CHRM3: variants seen among roughly 807,000 people sequenced by gnomAD.
The protein encoded by CHRM3 is cholinergic receptor muscarinic 3, also known as muscarinic acetylcholine receptor M3.
CHRM3 carries 11 observed loss-of-function variants against 41.8 expected under a neutral mutation model. That is an observed-to-expected ratio of 0.26 (90% confidence interval 0.17 to 0.44). CHRM3 has a LOEUF of 0.44. Ranked by LOEUF, CHRM3 falls within the 20% of genes least tolerant of loss-of-function variation. CHRM3 has a pLI of 1.00. For missense variants in CHRM3, 571 were observed against 745.4 expected (o/e 0.77, Z 2.72); for synonymous variants, 297 against 301.4 (o/e 0.99, Z 0.15).
chr1:239,568,041 A>C (rs1661510132), intron 3 of CHRM3, among the ~76,000 whole-genome samples: 1 of 151,914 alleles, frequency 6.6e-6, no homozygotes, highest in Admixed American at 6.6e-5. Context: ...GCCTGTTTCC[A>C]CCTCACAGCA....
chr1:239,400,032 C>T (rs1659833848), intron 1 of CHRM3, among the ~76,000 whole-genome samples: 1 of 152,152 alleles, frequency 6.6e-6, no homozygotes, highest in Admixed American at 6.5e-5. Flanking sequence ...CTGCCTCAGC[C>T]TCCCAAGTAG....
At chr1:239,753,431 A>C (rs537081969) in intron 5 of CHRM3, among the ~76,000 whole-genome samples, 1 of 152,334 alleles carries the variant, frequency 6.6e-6, no homozygotes, top group East Asian at 1.9e-4. Flanking sequence ...CAATCATGGC[A>C]GAAGGTGAAG....
At position 239,907,437 on chromosome 1, in the gene CHRM3, T is replaced by C. The variant is rs748915731; in HGVS notation, c.-15T>C. The stretch of plus-strand genomic sequence containing the variant: ...TCTCTTCTCTCTTTCCCCCAGACTA[T>C]GTCAGAGAGTCACAATGACCTTGCA... On this transcript the variant is annotated 5_prime_UTR_variant, in exon 7 of 7. An upstream start codon of the reference 5' UTR is lost. Coordinates refer to ENST00000676153, the MANE Select transcript of CHRM3 (RefSeq NM_001375978.1). The surrounding 1 kb of genome is among the most constrained non-coding windows in gnomAD (Gnocchi z 5.4). The C allele has an allele frequency of 3.1e-6, 5 of 1,602,918 alleles. No homozygotes were observed. Among genetic ancestry groups the C allele is most frequent in the East Asian group, 4.5e-5 (2 of 44,704 alleles).
chr1:239,729,037 A>C (rs965791168), intron 5 of CHRM3, among the ~76,000 whole-genome samples: 2 of 151,938 alleles, frequency 1.3e-5, no homozygotes, highest in African/African-American at 4.8e-5. Context: ...ACTAATACTC[A>C]TAAGAACTCA....
At chr1:239,881,915 T>C (rs749578847) in intron 6 of CHRM3, among the ~76,000 whole-genome samples, 1 of 150,342 alleles carries the variant, frequency 6.7e-6, no homozygotes, top group Non-Finnish European at 1.5e-5. Context: ...TTCTTTTTTG[T>C]TTTTTTTGAG....
intron 6 of CHRM3, among the ~76,000 whole-genome samples, chr1:239,901,319 C>T (rs992413206): frequency 6.6e-5 from 10 of 151,780 alleles, no homozygotes; most frequent in Admixed American, 5.3e-4. Flanking sequence ...CTTCTGGCTT[C>T]GGAAACTTTG....
rs770343934 is a variant in CHRM3, at chr1:239,908,621, G to T, written c.1170G>T (p.Gln390His). The T allele has an allele frequency of 1.2e-6, 2 of 1,609,648 alleles. No individual in the cohort carries two copies. The highest frequency in any genetic ancestry group is 1.1e-5 in the South Asian group (1 of 89,996). The part of the protein sequence containing the change: ...STKLPSSDNL[Q>H]VPEEELGMVD... ...AGTTACCCTCATCGGACAACCTGCAGGTGCCTGAGGAGGAGCTGGGGATGG... is the reference window on the plus strand; with the variant it reads ...AGTTACCCTCATCGGACAACCTGCATGTGCCTGAGGAGGAGCTGGGGATGG... The change falls in exon 7 of 7, where the codon CAG becomes CAT. Residue 390 changes from glutamine to histidine, a missense_variant. Around this residue, in one of 5 missense-constraint regions of CHRM3, gnomAD observed 239 missense variants for 239.6 expected, o/e 1.00. Transcript: ENST00000676153. The surrounding 1 kb of genome is among the most constrained non-coding windows in gnomAD (Gnocchi z 7.2).
chr1:239,445,888 A>C (rs1664089627), intron 1 of CHRM3, among the ~76,000 whole-genome samples: 1 of 152,112 alleles, frequency 6.6e-6, no homozygotes, highest in South Asian at 2.1e-4. Flanking sequence ...CTCAGAGGGT[A>C]CTGACCCATT....
intron 3 of CHRM3, among the ~76,000 whole-genome samples, chr1:239,601,784 C>T (rs1019811860): frequency 2.0e-5 from 3 of 151,960 alleles, no homozygotes; most frequent in African/African-American, 7.3e-5. Context: ...ACCCTTTTGT[C>T]CTTTTCATTG....
intron 2 of CHRM3, among the ~76,000 whole-genome samples, chr1:239,535,508 T>C (rs531487523): frequency 6.7e-6 from 1 of 149,440 alleles, no homozygotes; most frequent in African/African-American, 2.5e-5. Flanking sequence ...CTTTGTTCCT[T>C]TGGGCCCTGT....
chr1:239,449,733 G>GGTGTGT lies in CHRM3; in HGVS notation c.-520-42960_-520-42955dup, dbSNP rs149312544. Among the ~76,000 whole-genome samples, 5 of 143,732 alleles carry GGTGTGT rather than the reference G, an allele frequency of 3.5e-5. No homozygotes were observed. In the South Asian group the frequency reaches 9.0e-4, roughly 26 times the overall value. The allele number at this position is 143,732 out of a possible 152,430, so 94.3% of individuals were successfully genotyped here. A position where few individuals can be genotyped will look rare whatever the true frequency, so the allele number is the denominator to read the frequency against. ...TATTTAGGATGAATTGTCACATTCTGGTGTGTGTGTGTGTGTGTGTGCGTG... is the reference window on the plus strand; with the variant it reads ...TATTTAGGATGAATTGTCACATTCTGGTGTGTGTGTGTGTGTGTGTGTGTGTGCGTG... On this transcript the variant is annotated intron_variant, in intron 1 of 6. Transcript: ENST00000676153.
chr1:239,665,069 A>C (rs1211024353), intron 4 of CHRM3, among the ~76,000 whole-genome samples: 2 of 149,908 alleles, frequency 1.3e-5, no homozygotes, highest in African/African-American at 4.9e-5. Flanking sequence ...GGTCCCTTCC[A>C]CGACTATATT....
intron 1 of CHRM3, among the ~76,000 whole-genome samples, chr1:239,462,551 G>T (rs1414153151): frequency 1.3e-5 from 2 of 151,908 alleles, no homozygotes; most frequent in African/African-American, 4.8e-5. Flanking sequence ...CTGCCTGCAG[G>T]GTACGTGTAA....
At chr1:239,614,239 G>A (rs938767015) in intron 3 of CHRM3, among the ~76,000 whole-genome samples, 13 of 152,042 alleles carry the variant, frequency 8.6e-5, no homozygotes, top group Non-Finnish European at 1.5e-4. Flanking sequence ...AAAAGAGCAG[G>A]GTAATTCAGA....
chr1:239,599,551 G>A (rs1052189346), intron 3 of CHRM3, among the ~76,000 whole-genome samples: 1 of 150,420 alleles, frequency 6.6e-6, no homozygotes, highest in Non-Finnish European at 1.5e-5. Flanking sequence ...CACTGAAGGA[G>A]TGCAAGACTT....
chr1:239,810,321 C>CA (rs1207027160), intron 5 of CHRM3, among the ~76,000 whole-genome samples: 1 of 152,128 alleles, frequency 6.6e-6, no homozygotes, highest in Non-Finnish European at 1.5e-5. Flanking sequence ...ATTGAAGCTC[C>CA]GTTGCAGAAA....
intron 3 of CHRM3, among the ~76,000 whole-genome samples, chr1:239,574,657 A>C (rs943324473): frequency 2.6e-5 from 4 of 151,972 alleles, no homozygotes; most frequent in Admixed American, 6.6e-5. Flanking sequence ...GTTACTTTTT[A>C]CTGGATTTAT....
chr1:239,516,741 T>C (rs1669300031), intron 2 of CHRM3, among the ~76,000 whole-genome samples: 1 of 152,078 alleles, frequency 6.6e-6, no homozygotes. Context: ...CAGCGGGAGG[T>C]GAGTGGCAGT....
intron 1 of CHRM3, among the ~76,000 whole-genome samples, chr1:239,395,267 C>T (rs1461990317): frequency 1.3e-5 from 2 of 152,118 alleles, no homozygotes; most frequent in Non-Finnish European, 2.9e-5. Context: ...TCTGTCTTCA[C>T]GATTTCAAAT....
Sources: allele counts gnomAD v4.1 joint callset (sites outside exome capture counted in the v4.1 genomes callset), GRCh38; gene constraint gnomAD v4.1.1; regional missense constraint gnomAD v4.1.1; non-coding constraint Gnocchi (gnomAD v3.1); transcripts MANE v1.5; gene names NCBI Gene and HGNC (gene_info 2026-07-23, HGNC 2026-07-21).